TSGA10: variants seen among roughly 807,000 people sequenced by gnomAD.
TSGA10 encodes the protein testis specific 10.
A neutral mutation model predicts 96.6 loss-of-function variants in TSGA10; 43 were observed. That is an observed-to-expected ratio of 0.44 (90% CI 0.35 to 0.57). The LOEUF (loss-of-function observed/expected upper bound fraction) is 0.57, where lower values mean the gene tolerates loss of function less well. Among genes scored for constraint, TSGA10 ranks in the 20% least tolerant of loss-of-function variants. The probability of loss-of-function intolerance (pLI) is 0.01; values close to 1 mark genes in which losing one functional copy is unlikely to be tolerated. For missense variants in TSGA10, 703 were observed against 834.4 expected, an observed-to-expected ratio of 0.84 and a Z score of 1.94; for synonymous variants, 229 against 269.9, an observed-to-expected ratio of 0.85 and a Z score of 1.48.
intron 20 of TSGA10, among the ~76,000 whole-genome samples, chr2:99,001,750 C>T (rs142664259): frequency 0.011 from 1,637 of 152,194 alleles, 9 homozygotes; most frequent in Middle Eastern, 0.027. Context: ...AAAGATTAGA[C>T]GAATGGCTAA....
At chr2:99,110,997 A>T (rs1426005186) in intron 4 of TSGA10, 82 bp from the exon 5 acceptor site, 1 of 313,656 alleles carries the variant, frequency 3.2e-6, no homozygotes, top group Non-Finnish European at 4.6e-6. Flanking sequence ...AAAAAAAAGG[A>T]AGCCACTTAA....
chr2:99,099,999 C>G (rs950998298), intron 10 of TSGA10, among the ~76,000 whole-genome samples: 1 of 151,822 alleles, frequency 6.6e-6, no homozygotes, highest in Non-Finnish European at 1.5e-5. Flanking sequence ...TCTCTACACA[C>G]AAAAAATAGG....
intron 20 of TSGA10, among the ~76,000 whole-genome samples, chr2:99,003,472 T>TC (rs545809595): frequency 9.7e-4 from 147 of 152,272 alleles, no homozygotes; most frequent in African/African-American, 3.4e-3. Flanking sequence ...TACAGAACTC[T>TC]CCAACCCAAA....
At chr2:99,066,301 G>C (rs921646814) in intron 15 of TSGA10, among the ~76,000 whole-genome samples, 5 of 152,184 alleles carry the variant, frequency 3.3e-5, no homozygotes, top group African/African-American at 1.2e-4. Flanking sequence ...AACTGTGTCA[G>C]CAGGAACCTG....
chr2:99,083,669 T>G (rs773381132), intron 10 of TSGA10, among the ~76,000 whole-genome samples: 4 of 152,212 alleles, frequency 2.6e-5, no homozygotes, highest in Non-Finnish European at 5.9e-5. Context: ...ATTTAATACT[T>G]GGCTGGATCT....
intron 1 of TSGA10, among the ~76,000 whole-genome samples, chr2:99,133,614 T>C (rs1480719236): frequency 2.6e-5 from 4 of 152,244 alleles, no homozygotes; most frequent in Non-Finnish European, 4.4e-5. Context: ...ATGTTTGAAT[T>C]TGATCCTGTC....
At chr2:99,127,785 G>T (rs976943144) in intron 1 of TSGA10, among the ~76,000 whole-genome samples, 4 of 152,086 alleles carry the variant, frequency 2.6e-5, no homozygotes, top group African/African-American at 9.7e-5. Flanking sequence ...ACGTATCACC[G>T]GTGGGAGAGT....
intron 18 of TSGA10, 137 bp from the exon 19 acceptor site, chr2:99,018,777 A>C: frequency 1.4e-6 from 1 of 713,492 alleles, no homozygotes; most frequent in South Asian, 2.0e-5. Flanking sequence ...CAGATTTATT[A>C]GTACATCTAA....
chr2:99,045,769 A>G (rs1156923957), intron 16 of TSGA10, among the ~76,000 whole-genome samples: 1 of 152,236 alleles, frequency 6.6e-6, no homozygotes, highest in East Asian at 1.9e-4. Flanking sequence ...AAATGCTCCA[A>G]TTAAAAGACA....
intron 15 of TSGA10, among the ~76,000 whole-genome samples, chr2:99,068,426 G>A (rs2085518931): frequency 6.6e-6 from 1 of 152,084 alleles, no homozygotes; most frequent in Admixed American, 6.5e-5. Context: ...GTCATCTGAT[G>A]TCATGTACAT....
At chr2:99,091,138 C>T (rs1232311926) in intron 10 of TSGA10, among the ~76,000 whole-genome samples, 1 of 152,148 alleles carries the variant, frequency 6.6e-6, no homozygotes, top group Non-Finnish European at 1.5e-5. Context: ...TTAAACAAAA[C>T]AATTGTCAGC....
intron 19 of TSGA10, 69 bp from the exon 20 acceptor site, chr2:99,018,418 T>C: frequency 1.3e-6 from 2 of 1,586,622 alleles, no homozygotes; most frequent in African/African-American, 1.4e-5. Flanking sequence ...TAAAACTAGC[T>C]CAATTCATAC....
intron 7 of TSGA10, 111 bp from the exon 8 acceptor site, chr2:99,105,808 C>A (rs2091282709): frequency 1.4e-6 from 1 of 707,804 alleles, no homozygotes; most frequent in African/African-American, 1.7e-5. Context: ...ATGCATGCAG[C>A]AGGGTAATGG....
chr2:99,009,529 A>G (rs6734832), intron 20 of TSGA10, among the ~76,000 whole-genome samples: 140,123 of 144,918 alleles, frequency 0.97, 67,786 homozygotes, highest in Middle Eastern at 1. Context: ...CCGAGATCGC[A>G]CCACTGCACT....
rs559623616 is a variant in TSGA10, at chr2:99,030,506, G to A, written c.1614+4724C>T. On this transcript the variant is annotated intron_variant, in intron 17 of 20. Transcript: ENST00000393483. ...CTACAAAAATCAAAATATTAGCCAG[G>A]CATGGTGACACATGTCTGTAGTGCC... Among the ~76,000 whole-genome samples, 4 of 152,078 alleles carry A rather than the reference G, an allele frequency of 2.6e-5. No individual in the cohort carries two copies. The East Asian group carries it at 5.8e-4, about 22-fold the overall frequency.
chr2:99,039,299 G>A (rs1170512740), intron 16 of TSGA10, among the ~76,000 whole-genome samples: 1 of 147,862 alleles, frequency 6.8e-6, no homozygotes, highest in Non-Finnish European at 1.5e-5. Flanking sequence ...GAATTAAAAT[G>A]GAAACAACCA....
rs1241497145 is a variant in TSGA10, at chr2:99,118,630, T to C, written c.-435A>G. The C allele has an allele frequency of 2.0e-6, 2 of 984,520 alleles. No homozygotes were observed. Among genetic ancestry groups the C allele is most frequent in the South Asian group, 9.4e-5 (2 of 21,252 alleles). The allele number at this position is 984,520 out of a possible 1,614,324, so 61.0% of individuals were successfully genotyped here. A position where few individuals can be genotyped will look rare whatever the true frequency, so the allele number is the denominator to read the frequency against. ...CACAGCTTTCCTTCCCAGCCCACTA[T>C]CAAACCATCAATGGATGAAGAAAAG... On this transcript the variant is annotated 5_prime_UTR_variant, in exon 3 of 21. An upstream open reading frame in the 5' UTR loses its in-frame stop. Transcript: ENST00000393483.
intron 16 of TSGA10, among the ~76,000 whole-genome samples, chr2:99,039,087 C>T (rs967945407): frequency 2.0e-5 from 3 of 151,824 alleles, no homozygotes; most frequent in Non-Finnish European, 4.4e-5. Flanking sequence ...ATTATTTGAG[C>T]TGAACAATAA....
At chr2:99,133,884 TTTTC>T (rs1223629546) in intron 1 of TSGA10, among the ~76,000 whole-genome samples, 1 of 152,258 alleles carries the variant, frequency 6.6e-6, no homozygotes, top group Non-Finnish European at 1.5e-5. Flanking sequence ...TTGAAAATTC[TTTTC>T]TTTAAGAATG....
Sources: allele counts gnomAD v4.1 joint callset (sites outside exome capture counted in the v4.1 genomes callset), GRCh38; gene constraint gnomAD v4.1.1; transcripts MANE v1.5; gene names NCBI Gene and HGNC (gene_info 2026-07-23, HGNC 2026-07-21).